CAST: variants seen among roughly 807,000 people sequenced by gnomAD.
CAST encodes the protein MIR583 host.
In CAST, 76 loss-of-function variants were observed where a neutral mutation model predicts 119.6. The observed-to-expected ratio is 0.64, with a 90% confidence interval of 0.53 to 0.77. The LOEUF is 0.77. Ranked by LOEUF, CAST falls within the 30% of genes least tolerant of loss-of-function variation. CAST has a pLI of 0.00. For synonymous variants in CAST, 319 were observed against 331.6 expected, an observed-to-expected ratio of 0.96 and a Z score of 0.41; for missense variants, 953 against 946.5, an observed-to-expected ratio of 1.01 and a Z score of -0.09.
chr5:96,204,543 G>A, the CAST span, among the ~76,000 whole-genome samples: 4 of 152,040 alleles, frequency 2.6e-5, no homozygotes, highest in Non-Finnish European at 5.9e-5. Context: ...ATGGAGCATG[G>A]GGTGTAGTCA....
chr5:96,653,545 C>G (rs938992183), intron 1 of CAST, among the ~76,000 whole-genome samples: 1 of 152,152 alleles, frequency 6.6e-6, no homozygotes, highest in African/African-American at 2.4e-5. Flanking sequence ...AATAAGGGTA[C>G]AAATAAAACC....
At chr5:96,127,350 T>A in the CAST span, among the ~76,000 whole-genome samples, 2 of 152,100 alleles carry the variant, frequency 1.3e-5, no homozygotes, top group African/African-American at 2.4e-5. Context: ...TATTTCATTT[T>A]AAAAATCTAC....
the CAST span, among the ~76,000 whole-genome samples, chr5:96,314,984 A>G: frequency 6.6e-6 from 1 of 152,222 alleles, no homozygotes; most frequent in Admixed American, 6.5e-5. Flanking sequence ...AGCCATTTAT[A>G]TATTAATATA....
the CAST span, among the ~76,000 whole-genome samples, chr5:96,203,450 G>C: frequency 6.6e-6 from 1 of 151,758 alleles, no homozygotes; most frequent in East Asian, 1.9e-4. Context: ...TATATTGAAA[G>C]GGTTACAAAA....
chr5:96,182,815 C>G, the CAST span, among the ~76,000 whole-genome samples: 5 of 152,142 alleles, frequency 3.3e-5, no homozygotes, highest in Non-Finnish European at 2.9e-5. Context: ...TTTGTTGCAG[C>G]ACTGTTTATA....
chr5:96,561,796 G>GTTTTTTTGTTT lies in CAST; in HGVS notation c.60+31923_60+31924insGTTTTTTTTTT, dbSNP rs1267067922. Reference sequence around the variant, plus strand: ...GTGTATTATATATATGTTTTTTTTTGTTTTTTTTTTTTTTGAGACGGAGTC... The same window carrying GTTTTTTTGTTT: ...GTGTATTATATATATGTTTTTTTTTGTTTTTTTGTTTTTTTTTTTTTTTTTGAGACGGAGTC... On this transcript the variant is annotated intron_variant, in intron 1 of 11. Coordinates refer to the CAST transcript ENST00000505143. 4.0e-3 allele frequency among the ~76,000 whole-genome samples: 390 copies of GTTTTTTTGTTT among 97,386 alleles called. 39 individuals carry two copies. The highest frequency in any genetic ancestry group is 0.013 in the African/African-American group (350 of 26,014). The allele number at this position is 97,386 out of a possible 152,430, so 63.9% of individuals were successfully genotyped here. A position where few individuals can be genotyped will look rare whatever the true frequency, so the allele number is the denominator to read the frequency against.
chr5:96,350,722 C>A, the CAST span, among the ~76,000 whole-genome samples: 1 of 152,102 alleles, frequency 6.6e-6, no homozygotes, highest in Admixed American at 6.6e-5. Flanking sequence ...TATTCCACTC[C>A]AACTTCCTCC....
At chr5:96,649,076 A>G (rs959802532) in intron 1 of CAST, among the ~76,000 whole-genome samples, 2 of 152,242 alleles carry the variant, frequency 1.3e-5, no homozygotes, top group Non-Finnish European at 2.9e-5. Flanking sequence ...AGCTCAAACC[A>G]TATAAAATTG....
chr5:96,499,029 G>GA, the CAST span, among the ~76,000 whole-genome samples: 3,830 of 109,600 alleles, frequency 0.035, 75 homozygotes, highest in Non-Finnish European at 0.054. Context: ...CATTGTGCAG[G>GA]AAAAAAAAAA....
chr5:95,975,203 T>C, the CAST span, among the ~76,000 whole-genome samples: 9 of 152,226 alleles, frequency 5.9e-5, no homozygotes, highest in Admixed American at 3.3e-4. Context: ...GCTGGTTTCC[T>C]ATAGCCAATT....
At chr5:96,260,146 G>T in the CAST span, among the ~76,000 whole-genome samples, 2 of 152,020 alleles carry the variant, frequency 1.3e-5, no homozygotes, top group Non-Finnish European at 2.9e-5. Context: ...GTGAACTAGG[G>T]TTTAAAACCA....
At chr5:96,407,240 T>G in the CAST span, among the ~76,000 whole-genome samples, 1 of 152,030 alleles carries the variant, frequency 6.6e-6, no homozygotes, top group African/African-American at 2.4e-5. Context: ...AATTAAAAGG[T>G]AAATGTCAAA....
At chr5:96,026,063 T>C in the CAST span, among the ~76,000 whole-genome samples, 1 of 152,098 alleles carries the variant, frequency 6.6e-6, no homozygotes, top group African/African-American at 2.4e-5. Flanking sequence ...TGAGACCCTG[T>C]CTCTACAAAA....
chr5:96,752,562 ATTTTTTTTTTTTTTT>A (rs869108023), intron 20 of CAST, among the ~76,000 whole-genome samples: 22 of 16,132 alleles, frequency 1.4e-3, no homozygotes, highest in South Asian at 3.9e-3. Context: ...AACCTCAGGG[ATTTTTTTTTTTTTTT>A]TTTTTTTTTT....
chr5:96,174,438 C>T, the CAST span, among the ~76,000 whole-genome samples: 3 of 152,220 alleles, frequency 2.0e-5, no homozygotes, highest in African/African-American at 4.8e-5. Context: ...TCCACTCCTC[C>T]GCAGACAGGA....
chr5:96,429,371 G>A, the CAST span: 2 of 977,194 alleles, frequency 2.0e-6, no homozygotes, highest in Non-Finnish European at 3.3e-6. Flanking sequence ...AAGTATATAT[G>A]GACTAGTTTA....
chr5:96,213,058 A>G, the CAST span, among the ~76,000 whole-genome samples: 37 of 152,134 alleles, frequency 2.4e-4, no homozygotes, highest in Non-Finnish European at 4.1e-4. Flanking sequence ...GTTGAAGGCT[A>G]TAGTGAGCTA....
the CAST span, among the ~76,000 whole-genome samples, chr5:96,471,630 A>G: frequency 2.0e-5 from 3 of 152,144 alleles, no homozygotes; most frequent in Admixed American, 1.3e-4. Flanking sequence ...GATCAAAAGA[A>G]TACTTTAAGT....
the CAST span, among the ~76,000 whole-genome samples, chr5:96,039,648 G>T: frequency 6.6e-6 from 1 of 152,154 alleles, no homozygotes; most frequent in African/African-American, 2.4e-5. Flanking sequence ...CCTATTGCTT[G>T]TGTGTGTCAA....
Sources: allele counts gnomAD v4.1 joint callset (sites outside exome capture counted in the v4.1 genomes callset), GRCh38; gene constraint gnomAD v4.1.1; transcripts MANE v1.5; gene names NCBI Gene and HGNC (gene_info 2026-07-23, HGNC 2026-07-21).